Variants in CHCHD3 observed in about 807,000 individuals in gnomAD.
The protein encoded by CHCHD3 is coiled-coil-helix-coiled-coil-helix domain containing 3, also known as MICOS complex subunit MIC19.
Under a neutral mutation model 38.2 loss-of-function variants are expected in CHCHD3, and 20 were observed. That is an observed-to-expected ratio of 0.52 (90% confidence interval 0.37 to 0.76). The LOEUF (loss-of-function observed/expected upper bound fraction) is 0.76, where lower values mean the gene tolerates loss of function less well. CHCHD3 is among the 30% of genes least tolerant of loss of function. The probability of loss-of-function intolerance (pLI) is 0.00; values close to 1 mark genes in which losing one functional copy is unlikely to be tolerated. For missense variants in CHCHD3, 245 were observed against 279.2 expected, an observed-to-expected ratio of 0.88 and a Z score of 0.87; for synonymous variants, 82 against 100.0, an observed-to-expected ratio of 0.82 and a Z score of 1.07.
intron 5 of CHCHD3, among the ~76,000 whole-genome samples, chr7:132,869,093 T>A (rs1478174733): frequency 6.6e-6 from 1 of 152,186 alleles, no homozygotes; most frequent in Non-Finnish European, 1.5e-5. Context: ...TGATGGAACA[T>A]TCAAACACAA....
chr7:133,047,120 T>C (rs1043670861), intron 2 of CHCHD3, among the ~76,000 whole-genome samples: 1 of 152,178 alleles, frequency 6.6e-6, no homozygotes, highest in African/African-American at 2.4e-5. Context: ...ACGAATCAAA[T>C]GTTAGACAAC....
intron 1 of CHCHD3, among the ~76,000 whole-genome samples, chr7:133,080,501 C>T (rs1047501265): frequency 7.9e-5 from 12 of 152,238 alleles, no homozygotes; most frequent in Admixed American, 1.3e-4. Context: ...ACTTATTTTG[C>T]TTTGTCTTTT....
chr7:132,885,539 T>C lies in CHCHD3; in HGVS notation c.453+123A>G, dbSNP rs1809183338. 12 of 722,224 alleles carry C rather than the reference T, an allele frequency of 1.7e-5. No homozygotes were observed. In the East Asian group the frequency reaches 3.8e-4, roughly 23 times the overall value. The allele number at this position is 722,224 out of a possible 1,614,324, so 44.7% of individuals were successfully genotyped here. A position where few individuals can be genotyped will look rare whatever the true frequency, so the allele number is the denominator to read the frequency against. ...ACGAACTAACTACCTGCTTTGCTTC[T>C]TCACTTCCTGGCCACTTTACAACCA... On this transcript the variant is annotated intron_variant, in intron 5 of 7. Transcript: ENST00000262570.
chr7:132,895,070 T>C (rs2117190892), intron 4 of CHCHD3, among the ~76,000 whole-genome samples: 1 of 152,340 alleles, frequency 6.6e-6, no homozygotes, highest in South Asian at 2.1e-4. Context: ...TGATAAATGT[T>C]AGATATGAGT....
intron 5 of CHCHD3, among the ~76,000 whole-genome samples, chr7:132,870,073 G>A (rs550319445): frequency 2.6e-5 from 4 of 151,800 alleles, no homozygotes; most frequent in South Asian, 2.1e-4. Flanking sequence ...AATAATGGCC[G>A]GGCACAGGGA....
chr7:132,878,341 T>C (rs933849413), intron 5 of CHCHD3, among the ~76,000 whole-genome samples: 5 of 134,412 alleles, frequency 3.7e-5, no homozygotes, highest in Admixed American at 3.7e-4. Context: ...GCAAAGGTAC[T>C]AATTGAGAAA....
chr7:133,040,314 G>A (rs1301106014), intron 2 of CHCHD3, among the ~76,000 whole-genome samples: 1 of 152,102 alleles, frequency 6.6e-6, no homozygotes, highest in Admixed American at 6.5e-5. Flanking sequence ...ATGGCCTATT[G>A]ACTATTTCAA....
chr7:132,845,338 G>A (rs1381005669), intron 5 of CHCHD3, among the ~76,000 whole-genome samples: 1 of 152,074 alleles, frequency 6.6e-6, no homozygotes, highest in Non-Finnish European at 1.5e-5. Flanking sequence ...AGTGTGGGGT[G>A]GGGTGGTTTT....
intron 5 of CHCHD3, among the ~76,000 whole-genome samples, chr7:132,846,363 A>G (rs541781444): frequency 3.1e-4 from 47 of 152,360 alleles, no homozygotes; most frequent in African/African-American, 1.1e-3. Context: ...ACCTCAGCCA[A>G]CTCAGCAGGA....
intron 6 of CHCHD3, among the ~76,000 whole-genome samples, chr7:132,806,715 T>A (rs1263773817): frequency 6.6e-6 from 1 of 151,248 alleles, no homozygotes; most frequent in Non-Finnish European, 1.5e-5. Flanking sequence ...AAGATTCACA[T>A]GGAAATTTAC....
At chr7:132,885,947 G>A (rs1420300472) in intron 4 of CHCHD3, among the ~76,000 whole-genome samples, 4 of 151,906 alleles carry the variant, frequency 2.6e-5, no homozygotes, top group Non-Finnish European at 5.9e-5. Flanking sequence ...TTTTTTTCCC[G>A]CTGTAACAGC....
chr7:132,849,504 G>A (rs1000155227), intron 5 of CHCHD3: 1 of 152,086 alleles, frequency 6.6e-6, no homozygotes, highest in Admixed American at 6.5e-5. Flanking sequence ...AAATAACCAA[G>A]TTAGCAGTTT....
At chr7:132,998,766 G>A (rs1172673745) in intron 3 of CHCHD3, among the ~76,000 whole-genome samples, 2 of 152,198 alleles carry the variant, frequency 1.3e-5, no homozygotes, top group East Asian at 3.9e-4. Context: ...TCTACTAAGG[G>A]AAGTACCTAA....
At chr7:132,820,390 C>T (rs1227273805) in intron 6 of CHCHD3, among the ~76,000 whole-genome samples, 3 of 152,066 alleles carry the variant, frequency 2.0e-5, no homozygotes, top group Non-Finnish European at 2.9e-5. Context: ...ATTAGGATTC[C>T]GCTAACTGCT....
chr7:132,888,493 C>G (rs1379841698), intron 4 of CHCHD3, among the ~76,000 whole-genome samples: 5 of 151,682 alleles, frequency 3.3e-5, no homozygotes, highest in Non-Finnish European at 7.4e-5. Flanking sequence ...ATAATAATAA[C>G]TATAAATGTG....
At chr7:133,030,915 T>C (rs1330071363) in intron 2 of CHCHD3, among the ~76,000 whole-genome samples, 1 of 152,182 alleles carries the variant, frequency 6.6e-6, no homozygotes, top group African/African-American at 2.4e-5. Flanking sequence ...AAATAATAAA[T>C]ACTTGGATGA....
At chr7:132,890,785 A>G (rs1280715667) in intron 4 of CHCHD3, among the ~76,000 whole-genome samples, 6 of 152,216 alleles carry the variant, frequency 3.9e-5, no homozygotes, top group Admixed American at 3.9e-4. Flanking sequence ...CTGTAACCAT[A>G]TATCCTTTCA....
Position 133,018,875 on chromosome 7 carries a change from C to CTTTTTTT in CHCHD3, c.251+5664_251+5670dup, listed in dbSNP as rs5887607. Among the ~76,000 whole-genome samples, 128 of 70,158 alleles carry CTTTTTTT rather than the reference C, an allele frequency of 1.8e-3. 9 individuals are homozygous for CTTTTTTT. The highest frequency in any genetic ancestry group is 4.1e-3 in the African/African-American group (70 of 17,060). The allele number at this position is 70,158 out of a possible 152,430, so 46.0% of individuals were successfully genotyped here. On this transcript the variant is annotated intron_variant, in intron 3 of 7. Coordinates refer to ENST00000262570, the MANE Select transcript of CHCHD3 (RefSeq NM_017812.4). ...GCACCATGCTAGTTGCATGATTTCTCTTTTTTTTTTTTTTTTTTTTTTTTT... is the reference window on the plus strand; with the variant it reads ...GCACCATGCTAGTTGCATGATTTCTCTTTTTTTTTTTTTTTTTTTTTTTTTTTTTTTT...
Position 132,827,861 on chromosome 7 carries a change from T to A in CHCHD3, c.524+10538A>T, listed in dbSNP as rs1020906540. Among the ~76,000 whole-genome samples the A allele has an allele frequency of 2.0e-5, 3 of 152,186 alleles. No homozygotes were observed. The East Asian group carries it at 5.8e-4, about 29-fold the overall frequency. On this transcript the variant is annotated intron_variant, in intron 6 of 7. Transcript: ENST00000262570. ...GTTACATGTATCGATAGTTTGCTCT[T>A]CTCTATTGCTGAATAGTGTTCTACT... is the stretch of plus-strand genomic sequence containing the variant.
Sources: gnomAD v4.1 joint callset for allele counts (sites outside exome capture counted in the v4.1 genomes callset) on GRCh38, gnomAD v4.1.1 for gene constraint, MANE v1.5 for transcripts, NCBI Gene and HGNC (gene_info 2026-07-23, HGNC 2026-07-21) for gene names.